CHIT1: variants seen among roughly 807,000 people sequenced by gnomAD.
The protein encoded by CHIT1 is chitotriosidase-1.
CHIT1 carries 47 observed loss-of-function variants against 52.0 expected under a neutral mutation model. That is an observed-to-expected ratio of 0.90 (90% CI 0.71 to 1.15). The LOEUF (loss-of-function observed/expected upper bound fraction) is 1.15. Ranked by LOEUF, CHIT1 falls within the 50% of genes most tolerant of loss-of-function variation. The pLI is 0.00. For synonymous variants in CHIT1, 242 were observed against 228.2 expected (o/e 1.06, Z -0.54); for missense variants, 569 against 583.0 (o/e 0.98, Z 0.25).
chr1:203,217,420 T>C, intron 10 of CHIT1: 2 of 1,472,174 alleles, frequency 1.4e-6, no homozygotes, highest in Non-Finnish European at 1.8e-6. Context: ...GGTGCCACGC[T>C]GCAGGCTAAG....
chr1:203,219,956 G>A, intron 7 of CHIT1, 107 bp from the exon 8 acceptor site: 1 of 1,321,840 alleles, frequency 7.6e-7, no homozygotes. Flanking sequence ...CTCCTCAGCT[G>A]GAGCTCTACG....
chr1:203,223,424 C>A (rs1656812233), intron 5 of CHIT1, 71 bp downstream of exon 5: 6 of 1,604,748 alleles, frequency 3.7e-6, no homozygotes, highest in Non-Finnish European at 5.1e-6. Flanking sequence ...GAGCAGCCCC[C>A]ACATGTGCTG....
rs764257734 is a variant in CHIT1 at position 203,217,695 on chromosome 1, C to T, written c.1156+44G>A. On this transcript the variant is annotated intron_variant, in intron 10 of 10. Transcript: ENST00000367229. ...TTGGATGCATGGAGCTGTGTTTGTA[C>T]CCCACCTCCAAATTCCACCACTGGC... is the stretch of plus-strand genomic sequence containing the variant. 4.3e-6 allele frequency: 7 copies of T among 1,613,584 alleles called. No homozygotes were observed. The Admixed American group carries it at 8.3e-5, about 19-fold the overall frequency.
At chr1:203,228,583 A>T in intron 1 of CHIT1, 21 bp from the exon 2 acceptor site, 1 of 1,577,486 alleles carries the variant, frequency 6.3e-7, no homozygotes, top group African/African-American at 1.4e-5. Context: ...ACAAGAGAGA[A>T]GGCCAGGGTT....
rs1206347376 is a variant in CHIT1, at chr1:203,222,270, CCTT to C, written c.658_660del (p.Lys220del). The C allele has an allele frequency of 6.2e-7, 1 of 1,614,098 alleles. No individual in the cohort carries two copies. The highest frequency in any genetic ancestry group is 2.2e-5 in the East Asian group (1 of 44,892). The stretch of plus-strand genomic sequence containing the variant: ...TAGAGGGGGCTGTTATGTCCCGTGA[CCTT>C]CTCCCAAGAGCCATGGAAGTCGTAG... On this transcript the variant is annotated inframe_deletion, in exon 7 of 11. Coordinates refer to ENST00000367229, the MANE Select transcript of CHIT1 (RefSeq NM_003465.3).
chr1:203,219,318 C>A lies in CHIT1; in HGVS notation c.927G>T (p.Trp309Cys). The part of the protein sequence containing the change: ...GMLAYYEVCS[W>C]KGATKQRIQD... ...GGATTCTCTGTTTGGTGGCCCCCTT[C>A]CAGGAGCAGACCTGTGGGAGCAGAA... Residue 309 changes from tryptophan (W) to cysteine (C), a missense_variant, in exon 9 of 11, where the codon TGG (tryptophan) becomes TGT (cysteine). Physicochemically the swap from Trp to Cys is radical, Grantham distance 215. Coordinates refer to ENST00000367229, the MANE Select transcript of CHIT1 (RefSeq NM_003465.3). 6.2e-7 allele frequency: 1 copy of A among 1,603,922 alleles called. No homozygotes were observed.
intron 9 of CHIT1, chr1:203,218,174 T>C: frequency 1.6e-6 from 2 of 1,289,360 alleles, no homozygotes; most frequent in Non-Finnish European, 2.1e-6. Flanking sequence ...CGCTTGGTCA[T>C]GTGTGGGCTG....
rs774345722 is a variant in CHIT1, at chr1:203,219,825, G to T, written c.754C>A (p.Gln252Lys). The change falls in exon 8 of 11, where the codon CAG (glutamine) becomes AAG (lysine). Residue 252 changes from glutamine (Q) to lysine (K), a missense_variant. By Grantham distance (53) the Gln-to-Lys change is moderately conservative (BLOSUM62 1). Coordinates refer to ENST00000367229, the MANE Select transcript of CHIT1 (RefSeq NM_003465.3). ...AGCTTGCTGGCAGGGGTCCCCTTCT[G>T]CAGCCACTGTTGCACAGCAGCATCC... ...NVDAAVQQWL[Q>K]KGTPASKLIL... 6.2e-7 allele frequency: 1 copy of T among 1,612,038 alleles called. No individual in the cohort carries two copies. The highest frequency in any genetic ancestry group is 1.7e-5 in the Admixed American group (1 of 60,012).
At position 203,229,528 on chromosome 1, in the gene CHIT1, C is replaced by T. The variant is rs917116465; in HGVS notation, c.25+84G>A. 20 of 1,522,910 alleles carry T rather than the reference C, an allele frequency of 1.3e-5. No homozygotes were observed. In the African/African-American group the frequency reaches 2.3e-4, roughly 18 times the overall value. 94.3% of individuals were successfully genotyped at this position (1,522,910 alleles called of 1,614,324 possible). ...TCTCCTGAGTCCTCCTGCTTCCTTGCAAATGGTAGCAAGTGGTCCCTGAAC... is the reference window on the plus strand; with the variant it reads ...TCTCCTGAGTCCTCCTGCTTCCTTGTAAATGGTAGCAAGTGGTCCCTGAAC... On this transcript the variant is annotated intron_variant, in intron 1 of 10. Coordinates refer to ENST00000367229, the MANE Select transcript of CHIT1 (RefSeq NM_003465.3).
chr1:203,223,419 G>A, intron 5 of CHIT1, 76 bp downstream of exon 5: 1 of 1,599,794 alleles, frequency 6.3e-7, no homozygotes, highest in Non-Finnish European at 8.6e-7. Context: ...GGGCAGAGCA[G>A]CCCCCACATG....
Position 203,219,405 on chromosome 1 carries a change from G to T in CHIT1, c.916-76C>A. 3.1e-6 allele frequency: 3 copies of T among 966,408 alleles called. No homozygotes were observed. The South Asian group carries it at 3.9e-5, about 12-fold the overall frequency. The allele number at this position is 966,408 out of a possible 1,614,324, so 59.9% of individuals were successfully genotyped here. A position where few individuals can be genotyped will look rare whatever the true frequency, so the allele number is the denominator to read the frequency against. ...CACCTTCCCTTCCTCACCAGGAGGA[G>T]ACTAGAGATTGGAAAATTCCTGTCT... is the stretch of plus-strand genomic sequence containing the variant. On this transcript the variant is annotated intron_variant, in intron 8 of 10. Coordinates refer to ENST00000367229, the MANE Select transcript of CHIT1 (RefSeq NM_003465.3).
At chr1:203,219,919 C>A in intron 7 of CHIT1, 70 bp from the exon 8 acceptor site, 1 of 1,573,778 alleles carries the variant, frequency 6.4e-7, no homozygotes. Flanking sequence ...TCTGGGGGAT[C>A]CAGAGGCAGA....
rs557937826 is a variant in CHIT1, at chr1:203,219,959, GCTCTACGGGCCTTT to G, written c.730-124_730-111del. 122 of 1,313,298 alleles carry G rather than the reference GCTCTACGGGCCTTT, an allele frequency of 9.3e-5. No individual in the cohort carries two copies. In the African/African-American group the frequency reaches 1.6e-3, roughly 17 times the overall value. 81.4% of individuals were successfully genotyped at this position (1,313,298 alleles called of 1,614,324 possible). A position where few individuals can be genotyped will look rare whatever the true frequency, so the allele number is the denominator to read the frequency against. On this transcript the variant is annotated intron_variant, in intron 7 of 10. Transcript: ENST00000367229. ...GGAGGGCAGGGGCTCCTCAGCTGGA[GCTCTACGGGCCTTT>G]GTTAGGATTCCAGCCCTACCCCATC... is the stretch of plus-strand genomic sequence containing the variant.
chr1:203,225,086 G>A lies in CHIT1; in HGVS notation c.276C>T (p.Thr92=). Residue 92 remains threonine (T), a synonymous_variant, in exon 4 of 11, where the codon ACC becomes ACT. Transcript: ENST00000367229. ...AATTCCAGCCTCCGATGGCTAACAG[G>A]GTCTTCAGCTTGGGATTCCTGGGAA... The part of the protein sequence containing the change: ...GLKKMNPKLK[T]LLAIGGWNFG... 6.2e-7 allele frequency: 1 copy of A among 1,613,808 alleles called. No homozygotes were observed. The highest frequency in any genetic ancestry group is 8.5e-7 in the Non-Finnish European group (1 of 1,179,966).
chr1:203,216,932 C>T lies in CHIT1; in HGVS notation c.1358G>A (p.Gly453Asp), dbSNP rs371328957. 1.8e-5 allele frequency: 29 copies of T among 1,614,114 alleles called. No homozygotes were observed. In the South Asian group the frequency reaches 2.6e-4, roughly 15 times the overall value. Reference protein sequence around the residue: ...GRLFQQSCPTGLVFSNSCKCC... With the variant: ...GRLFQQSCPTDLVFSNSCKCC... The stretch of plus-strand genomic sequence containing the variant: ...TTTGCAGGAGTTGCTGAACACCAGG[C>T]CTGTCGGGCAGCTTTGCTGGAACAG... Residue 453 changes from glycine (G) to aspartate (D), a missense_variant, in exon 11 of 11, where the codon GGC becomes GAC. Physicochemically the swap from Gly to Asp is moderately conservative, Grantham distance 94 (BLOSUM62 -1). Transcript: ENST00000367229.
At chr1:203,218,134 T>C in intron 9 of CHIT1, 1 of 1,436,452 alleles carries the variant, frequency 7.0e-7, no homozygotes, top group Admixed American at 2.1e-5. Flanking sequence ...GTGTCAGTTG[T>C]GTGCACCTCC....
intron 8 of CHIT1, 125 bp downstream of exon 8, chr1:203,219,539 A>G: frequency 8.1e-7 from 1 of 1,234,492 alleles, no homozygotes; most frequent in Non-Finnish European, 1.2e-6. Context: ...ATGAGATGGA[A>G]TTTACATGGC....
chr1:203,225,696 TAG>T lies in CHIT1; in HGVS notation c.228_229del (p.Tyr77ProfsTer56), dbSNP rs925135685. On this transcript the variant is annotated frameshift_variant, in exon 3 of 11. Coordinates refer to ENST00000367229, the MANE Select transcript of CHIT1 (RefSeq NM_003465.3). LOFTEE classifies it high-confidence loss of function. The stretch of plus-strand genomic sequence containing the variant: ...CTTCTTCAGGCCATTGAACTCCTGG[TAG>T]AGAGTCTCGTCATTCCACTCAGTGG... 7 of 1,613,452 alleles carry T rather than the reference TAG, an allele frequency of 4.3e-6. No individual in the cohort carries two copies. Among genetic ancestry groups the T allele is most frequent in the Middle Eastern group, 1.6e-4 (1 of 6,082 alleles).
chr1:203,229,580 C>T, intron 1 of CHIT1, 32 bp downstream of exon 1: 1 of 1,613,628 alleles, frequency 6.2e-7, no homozygotes, highest in Non-Finnish European at 8.5e-7. Flanking sequence ...CCCCACAGCT[C>T]CCGAGACCCA....
Sources: allele counts gnomAD v4.1 joint callset, GRCh38; gene constraint gnomAD v4.1.1; transcripts MANE v1.5; gene names NCBI Gene and HGNC (gene_info 2026-07-23, HGNC 2026-07-21).